The following TRPC4 variants were observed in gnomAD, a reference collection of about 807,000 sequenced individuals.
The protein encoded by TRPC4 is short transient receptor potential channel 4.
TRPC4 carries 49 observed loss-of-function variants against 99.4 expected under a neutral mutation model. The ratio of observed to expected loss-of-function variants is 0.49; its 90% CI spans 0.39 to 0.63. The LOEUF (loss-of-function observed/expected upper bound fraction) is 0.63. Ranked by LOEUF, TRPC4 falls within the 20% of genes least tolerant of loss-of-function variation. TRPC4 has a pLI of 0.00. For missense variants in TRPC4, 898 were observed against 1,152.9 expected (o/e 0.78, Z 3.20); for synonymous variants, 454 against 425.9 (o/e 1.07, Z -0.81).
intron 3 of TRPC4, among the ~76,000 whole-genome samples, chr13:37,739,144 A>G (rs909152499): frequency 6.6e-6 from 1 of 152,214 alleles, no homozygotes; most frequent in African/African-American, 2.4e-5. Flanking sequence ...TCTACCATAC[A>G]AAAGAGAAAA....
At chr13:37,830,474 T>C (rs980044912) in intron 1 of TRPC4, among the ~76,000 whole-genome samples, 5 of 151,958 alleles carry the variant, frequency 3.3e-5, no homozygotes, top group Non-Finnish European at 7.4e-5. Flanking sequence ...TTTGGGAGGC[T>C]GAGGCAGGCG....
chr13:37,647,902 T>C (rs1045411868), intron 8 of TRPC4, among the ~76,000 whole-genome samples: 2 of 152,214 alleles, frequency 1.3e-5, no homozygotes, highest in African/African-American at 4.8e-5. Context: ...CTTTTAATAA[T>C]ACAACCATCT....
intron 3 of TRPC4, among the ~76,000 whole-genome samples, chr13:37,719,467 G>A (rs1954791510): frequency 1.3e-5 from 2 of 151,708 alleles, no homozygotes; most frequent in African/African-American, 2.4e-5. Flanking sequence ...CTGGTTTAAA[G>A]GAAATGATAC....
Position 37,674,452 on chromosome 13 carries a change from C to T in TRPC4, c.1235-85G>A, listed in dbSNP as rs1048294107. On this transcript the variant is annotated intron_variant, in intron 4 of 10. Transcript: ENST00000379705. ...TATACAATTTAACAATTATAGATCT[C>T]GAAGCTACAAGAGACCACATTGTTA... 3.7e-5 allele frequency: 53 copies of T among 1,445,748 alleles called. No individual in the cohort carries two copies. The African/African-American group carries it at 4.4e-4, about 12-fold the overall frequency. 89.6% of individuals were successfully genotyped at this position (1,445,748 alleles called of 1,614,324 possible). A position where few individuals can be genotyped will look rare whatever the true frequency, so the allele number is the denominator to read the frequency against.
chr13:37,707,316 T>G (rs998199899), intron 3 of TRPC4, among the ~76,000 whole-genome samples: 1 of 152,168 alleles, frequency 6.6e-6, no homozygotes. Context: ...AAGCAACTTG[T>G]ATGTTTTGAG....
In TRPC4 at chr13:37,633,119, A is replaced by T. The variant is rs1276910283; in HGVS notation, c.*3784T>A. On this transcript the variant is annotated 3_prime_UTR_variant, in exon 11 of 11. Transcript: ENST00000379705. The stretch of plus-strand genomic sequence containing the variant: ...TTAACATGATTCTAAAATTCAAATT[A>T]AAAAAGGCATGTGATAACACTGTAT... Among the ~76,000 whole-genome samples, 3 of 152,170 alleles carry T rather than the reference A, an allele frequency of 2.0e-5. No individual in the cohort carries two copies. Among genetic ancestry groups the T allele is most frequent in the Non-Finnish European group, 2.9e-5 (2 of 68,026 alleles).
intron 2 of TRPC4, among the ~76,000 whole-genome samples, chr13:37,759,183 G>A (rs1385279971): frequency 6.6e-6 from 1 of 151,714 alleles, no homozygotes; most frequent in African/African-American, 2.4e-5. Context: ...ATTTGAAAAA[G>A]CAGTTCATTT....
At chr13:37,836,526 C>G (rs1055761463) in intron 1 of TRPC4, among the ~76,000 whole-genome samples, 1 of 152,000 alleles carries the variant, frequency 6.6e-6, no homozygotes, top group South Asian at 2.1e-4. Flanking sequence ...TAAAGGTGAC[C>G]GTTGTTATGT....
chr13:37,804,299 T>C (rs145969249), intron 1 of TRPC4, among the ~76,000 whole-genome samples: 1 of 152,196 alleles, frequency 6.6e-6, no homozygotes, highest in East Asian at 1.9e-4. Context: ...AAGTACTTTA[T>C]AGATGAGGAA....
chr13:37,846,813 G>A (rs1009088637), intron 1 of TRPC4, among the ~76,000 whole-genome samples: 1 of 152,002 alleles, frequency 6.6e-6, no homozygotes, highest in African/African-American at 2.4e-5. Flanking sequence ...TTTCTTATAA[G>A]AGACTCACTT....
chr13:37,714,035 G>GCTTC (rs778527036), intron 3 of TRPC4, among the ~76,000 whole-genome samples: 20 of 151,340 alleles, frequency 1.3e-4, no homozygotes, highest in South Asian at 2.1e-4. Context: ...ACCCAAGCTT[G>GCTTC]CTTCCTTCCT....
At chr13:37,773,155 T>C (rs1234244083) in intron 2 of TRPC4, among the ~76,000 whole-genome samples, 2 of 151,724 alleles carry the variant, frequency 1.3e-5, no homozygotes, top group Non-Finnish European at 2.9e-5. Context: ...GAACTCTCTA[T>C]ACTGCTTGGT....
At chr13:37,857,149 A>T (rs1959180920) in intron 1 of TRPC4, among the ~76,000 whole-genome samples, 1 of 151,748 alleles carries the variant, frequency 6.6e-6, no homozygotes, top group African/African-American at 2.4e-5. Flanking sequence ...AATCTGACAA[A>T]GAAATAAAAA....
At chr13:37,668,611 G>A (rs184322242) in intron 5 of TRPC4, among the ~76,000 whole-genome samples, 1 of 152,238 alleles carries the variant, frequency 6.6e-6, no homozygotes, top group East Asian at 1.9e-4. Flanking sequence ...AGAGAAAGAT[G>A]AACTGAATCA....
At chr13:37,836,017 ATG>A (rs1958555587) in intron 1 of TRPC4, among the ~76,000 whole-genome samples, 1 of 151,780 alleles carries the variant, frequency 6.6e-6, no homozygotes, top group Admixed American at 6.6e-5. Flanking sequence ...AGTCTTTCCC[ATG>A]CTGTTCTCAT....
chr13:37,740,793 A>G lies in TRPC4; in HGVS notation c.897+5144T>C, dbSNP rs1169097948. On this transcript the variant is annotated intron_variant, in intron 3 of 10. Transcript: ENST00000379705. ...CTTTAAAGAGCTGTAATTGTGGAAC[A>G]TTTTGAATCAATTTAGTTTACCATG... Among the ~76,000 whole-genome samples, 7 of 152,322 alleles carry G rather than the reference A, an allele frequency of 4.6e-5. No homozygotes were observed. The East Asian group carries it at 7.7e-4, about 17-fold the overall frequency.
Position 37,853,122 on chromosome 13 carries a change from T to C in TRPC4, c.-28+16473A>G, listed in dbSNP as rs917506502. Among the ~76,000 whole-genome samples the C allele has an allele frequency of 6.6e-5, 10 of 152,112 alleles. 1 individual carries two copies. The Middle Eastern group carries it at 0.014, about 207-fold the overall frequency. ...TGAGTGAACATAGGTGGTAGCCAGG[T>C]GGCAGTTACAGCAGGCCTTGGGCAA... On this transcript the variant is annotated intron_variant, in intron 1 of 10. Coordinates refer to ENST00000379705, the MANE Select transcript of TRPC4 (RefSeq NM_016179.4).
intron 3 of TRPC4, among the ~76,000 whole-genome samples, chr13:37,697,728 C>G (rs1953956372): frequency 6.6e-6 from 1 of 152,214 alleles, no homozygotes; most frequent in African/African-American, 2.4e-5. Context: ...GAATATCAGG[C>G]CCCACTTCAA....
At position 37,692,191 on chromosome 13, in the gene TRPC4, G is replaced by A. The variant is rs201866248; in HGVS notation, c.1042C>T (p.Leu348=). The A allele has an allele frequency of 2.1e-4, 344 of 1,614,056 alleles. 4 individuals are homozygous for A. The East Asian group carries it at 7.6e-3, about 36-fold the overall frequency. ...CCAAGTGGGCTTTTGGGAGCTATCAGGTAGCACACAGAGAAGACAGGAAAA... is the reference window on the plus strand; with the variant it reads ...CCAAGTGGGCTTTTGGGAGCTATCAAGTAGCACACAGAGAAGACAGGAAAA... ...LLFPVFSVCY[L]IAPKSPLGLF... Residue 348 remains leucine (L), a synonymous_variant, in exon 4 of 11, where the codon CTG becomes TTG. Coordinates refer to ENST00000379705, the MANE Select transcript of TRPC4 (RefSeq NM_016179.4).
Sources: allele counts gnomAD v4.1 joint callset (sites outside exome capture counted in the v4.1 genomes callset), GRCh38; gene constraint gnomAD v4.1.1; transcripts MANE v1.5; gene names NCBI Gene and HGNC (gene_info 2026-07-23, HGNC 2026-07-21).